Variants in APOOL observed in about 807,000 individuals in gnomAD.
APOOL encodes apolipoprotein O like, also known as MICOS complex subunit MIC27.
In APOOL, 12 loss-of-function variants were observed where a neutral mutation model predicts 23.1. The ratio of observed to expected loss-of-function variants is 0.52; its 90% CI spans 0.33 to 0.84. The LOEUF is 0.84. Among genes scored for constraint, APOOL ranks in the 40% least tolerant of loss-of-function variants. APOOL has a pLI of 0.02. For missense variants in APOOL, 212 were observed against 199.6 expected, an observed-to-expected ratio of 1.06 and a Z score of -0.37; for synonymous variants, 77 against 69.9, an observed-to-expected ratio of 1.10 and a Z score of -0.51.
At chrX:85,061,466 C>T (rs1037894180) in intron 5 of APOOL, among the ~76,000 whole-genome samples, 1 of 112,011 alleles carries the variant, frequency 8.9e-6, no homozygotes, top group Admixed American at 9.5e-5. Context: ...GTACCAGCTC[C>T]TCTTTGTACC....
intron 1 of APOOL, among the ~76,000 whole-genome samples, chrX:85,017,917 G>T (rs1007642740): frequency 2.7e-5 from 3 of 111,855 alleles, no homozygotes; most frequent in African/African-American, 9.8e-5. Context: ...ACCATCAAAG[G>T]ATCTGTGAAT....
At chrX:85,033,777 A>G (rs974167988) in intron 1 of APOOL, among the ~76,000 whole-genome samples, 1 of 111,771 alleles carries the variant, frequency 8.9e-6, no homozygotes, top group Non-Finnish European at 1.9e-5. Context: ...TGGCACAGGT[A>G]CCATAACACT....
chrX:85,072,455 C>T (rs770986635), intron 6 of APOOL, among the ~76,000 whole-genome samples: 8 of 110,343 alleles, frequency 7.3e-5, no homozygotes, highest in East Asian at 2.9e-4. Flanking sequence ...TATGTGTATA[C>T]GCTTCAGTGC....
chrX:85,025,554 G>GT (rs1166123507), intron 1 of APOOL, among the ~76,000 whole-genome samples: 1 of 112,261 alleles, frequency 8.9e-6, no homozygotes, highest in Non-Finnish European at 1.9e-5. Flanking sequence ...TAAAAGACAG[G>GT]TTTTTTATTT....
At chrX:85,014,395 A>G (rs1007089155) in intron 1 of APOOL, among the ~76,000 whole-genome samples, 1 of 110,014 alleles carries the variant, frequency 9.1e-6, no homozygotes, top group Non-Finnish European at 1.9e-5. Flanking sequence ...AAATTGCATT[A>G]TTGTTTTATA....
chrX:85,073,531 A>G (rs889255412), intron 6 of APOOL, among the ~76,000 whole-genome samples: 3 of 111,193 alleles, frequency 2.7e-5, no homozygotes, highest in Non-Finnish European at 5.7e-5. Context: ...TTATGAATGG[A>G]GAAAGCACCA....
Position 85,089,920 on chromosome X carries a change from C to T in APOOL, c.*2242C>T, listed in dbSNP as rs1924474944. ...CTCATTTCAGAATATGTTCTGCTTG[C>T]AGGTGACAGTAAACTAGTTAAACAA... On this transcript the variant is annotated 3_prime_UTR_variant, in exon 9 of 9. Transcript: ENST00000373173. 9.7e-6 allele frequency: 1 copy of T among 102,576 alleles called. No homozygotes were observed. Among genetic ancestry groups the T allele is most frequent in the South Asian group, 4.5e-4 (1 of 2,198 alleles). The allele number at this position is 102,576 out of a possible 1,213,427, so 8.5% of individuals were successfully genotyped here.
chrX:85,021,805 A>G (rs1276979091), intron 1 of APOOL, among the ~76,000 whole-genome samples: 1 of 112,392 alleles, frequency 8.9e-6, no homozygotes, highest in African/African-American at 3.2e-5. Flanking sequence ...ATAAAAGATC[A>G]GTGAAAGTAA....
At chrX:85,052,398 A>T (rs143363670) in intron 3 of APOOL, among the ~76,000 whole-genome samples, 1 of 111,806 alleles carries the variant, frequency 8.9e-6, no homozygotes, top group African/African-American at 3.2e-5. Context: ...TTATCATCAC[A>T]TAAACATCAT....
At chrX:85,021,536 G>A (rs771561068) in intron 1 of APOOL, among the ~76,000 whole-genome samples, 1 of 111,493 alleles carries the variant, frequency 9.0e-6, no homozygotes, top group East Asian at 2.8e-4. Context: ...CTGGGACAGA[G>A]CCTATGGACT....
chrX:85,015,542 ATATTTATTTATTTATTTATTTATT>A (rs150837249), intron 1 of APOOL, among the ~76,000 whole-genome samples: 4 of 98,981 alleles, frequency 4.0e-5, no homozygotes, highest in African/African-American at 1.1e-4. Flanking sequence ...TCGGACTTTA[ATATTTATTTATTTATTTATTTATT>A]TATTTATTTA....
chrX:85,092,803 G>C lies in APOOL; in HGVS notation c.*5125G>C. 2.9e-6 allele frequency: 1 copy of C among 343,947 alleles called. No individual in the cohort carries two copies. The highest frequency in any genetic ancestry group is 1.0e-4 in the South Asian group (1 of 9,940). 28.3% of individuals were successfully genotyped at this position (343,947 alleles called of 1,213,427 possible). ...TGCAAAGCCTTTATCATACAGAAAA[G>C]GTGTACCTAAAAGAACACATGTTCT... On this transcript the variant is annotated 3_prime_UTR_variant, in exon 9 of 9. Transcript: ENST00000373173.
chrX:85,026,822 A>G (rs942943837), intron 1 of APOOL, among the ~76,000 whole-genome samples: 1 of 111,734 alleles, frequency 8.9e-6, no homozygotes, highest in Non-Finnish European at 1.9e-5. Context: ...CACTGTCAGC[A>G]TTTTGGTCAA....
intron 1 of APOOL, 112 bp downstream of exon 1, chrX:85,004,039 G>A (rs767369107): frequency 1.0e-6 from 1 of 988,820 alleles, no homozygotes; most frequent in East Asian, 3.1e-5. Context: ...GCAGGGTGGA[G>A]GTGGGTTTTG....
At chrX:85,081,031 C>G (rs780229037) in intron 8 of APOOL, among the ~76,000 whole-genome samples, 1 of 111,348 alleles carries the variant, frequency 9.0e-6, no homozygotes, top group Admixed American at 9.6e-5. Flanking sequence ...ACTGATGGGT[C>G]TTGACTCTTT....
intron 5 of APOOL, among the ~76,000 whole-genome samples, 179 bp downstream of exon 5, chrX:85,056,104 T>C (rs187658171): frequency 9.0e-6 from 1 of 111,651 alleles, no homozygotes; most frequent in Non-Finnish European, 1.9e-5. Context: ...TTCAAAACTA[T>C]AGCTATTCCA....
chrX:85,077,120 A>G (rs1233715882), intron 8 of APOOL, among the ~76,000 whole-genome samples: 1 of 99,209 alleles, frequency 1.0e-5, no homozygotes, highest in Admixed American at 1.2e-4. Context: ...TATTTTTTTA[A>G]TTATACTTTA....
chrX:85,007,036 C>CGGAGGAGGT (rs1569452102), intron 1 of APOOL, among the ~76,000 whole-genome samples: 2 of 111,024 alleles, frequency 1.8e-5, no homozygotes, highest in South Asian at 7.8e-4. Flanking sequence ...TTTTGAAGAA[C>CGGAGGAGGT]GGAGGAGGTA....
rs183999608 is a variant in APOOL, at chrX:85,038,224, C to T, written c.16-8222C>T. On this transcript the variant is annotated intron_variant, in intron 1 of 8. Coordinates refer to ENST00000373173, the MANE Select transcript of APOOL (RefSeq NM_198450.6). ...CACCCTTGCATCCCAGGTTTAAAGC[C>T]TTCTTGGTCGTGGTGTTTTCCTAGA... Among the ~76,000 whole-genome samples the T allele has an allele frequency of 2.7e-5, 3 of 111,586 alleles. No homozygotes were observed. In the East Asian group the frequency reaches 8.5e-4, roughly 31 times the overall value.
Sources: allele counts gnomAD v4.1 joint callset (sites outside exome capture counted in the v4.1 genomes callset), GRCh38; gene constraint gnomAD v4.1.1; transcripts MANE v1.5; gene names NCBI Gene and HGNC (gene_info 2026-07-23, HGNC 2026-07-21).